Variants in ALOX5 observed in about 807,000 individuals in gnomAD.
ALOX5 encodes the protein polyunsaturated fatty acid 5-lipoxygenase.
ALOX5 carries 64 observed loss-of-function variants against 87.9 expected under a neutral mutation model. The observed-to-expected ratio is 0.73, with a 90% CI of 0.60 to 0.90. The LOEUF (loss-of-function observed/expected upper bound fraction) is 0.90, where lower values mean the gene tolerates loss of function less well. ALOX5 is among the 40% of genes least tolerant of loss of function. The probability of loss-of-function intolerance (pLI) is 0.00; values close to 1 mark genes in which losing one functional copy is unlikely to be tolerated. For synonymous variants in ALOX5, 388 were observed against 355.1 expected (o/e 1.09, Z -1.04); for missense variants, 822 against 907.5 (o/e 0.91, Z 1.21).
At chr10:45,389,309 C>T (rs1398914871) in intron 2 of ALOX5, among the ~76,000 whole-genome samples, 1 of 152,140 alleles carries the variant, frequency 6.6e-6, no homozygotes, top group Non-Finnish European at 1.5e-5. Context: ...CCTAGCAAGG[C>T]AGGCCAACAT....
At chr10:45,393,900 G>A (rs1191351862) in intron 2 of ALOX5, among the ~76,000 whole-genome samples, 1 of 152,186 alleles carries the variant, frequency 6.6e-6, no homozygotes, top group Non-Finnish European at 1.5e-5. Flanking sequence ...ACTTACAAGG[G>A]ATGTGAAGGA....
At chr10:45,428,004 C>T (rs1182978915) in intron 6 of ALOX5, among the ~76,000 whole-genome samples, 2 of 151,992 alleles carry the variant, frequency 1.3e-5, no homozygotes, top group Non-Finnish European at 2.9e-5. Context: ...ACCCTTCCCC[C>T]TCTGCTTCTG....
chr10:45,422,425 G>A (rs1841535159), intron 4 of ALOX5, among the ~76,000 whole-genome samples: 1 of 152,162 alleles, frequency 6.6e-6, no homozygotes. Context: ...ACTGGGTCCT[G>A]GCCACCTAGG....
chr10:45,391,903 TGAGGAGCCCCTCCGCCCGGCAGCC>T (rs1840286044), intron 2 of ALOX5, among the ~76,000 whole-genome samples: 1 of 110,744 alleles, frequency 9.0e-6, no homozygotes, highest in Non-Finnish European at 2.2e-5. Flanking sequence ...TTCTGAGAAG[TGAGGAGCCCCTCCGCCCGGCAGCC>T]GCCCCGTCTG....
At chr10:45,428,306 C>T (rs1171071850) in intron 6 of ALOX5, 6 of 441,750 alleles carry the variant, frequency 1.4e-5, no homozygotes, top group African/African-American at 1.2e-4. Context: ...TTTCACCTAA[C>T]CTCTTTCTTC....
At position 45,444,238 on chromosome 10, in the gene ALOX5, C is replaced by A; in HGVS notation, c.1797C>A (p.Cys599Ter). The change falls in exon 13 of 14, where the codon TGC becomes TGA. Residue 599 changes from cysteine to a stop codon, truncating the protein, a stop_gained. Transcript: ENST00000374391. LOFTEE classifies it high-confidence loss of function. ...VDTLPDRGRSCWHLGAVWALS... is the reference protein window; with the variant it reads ...VDTLPDRGRS The stretch of plus-strand genomic sequence containing the variant: ...CGCTGCCCGACCGCGGCCGCTCCTG[C>A]TGGCATCTGGGTGCAGTGTGGGCGC... The A allele has an allele frequency of 6.4e-7, 1 of 1,555,188 alleles. No individual in the cohort carries two copies. Among genetic ancestry groups the A allele is most frequent in the Non-Finnish European group, 8.7e-7 (1 of 1,149,284 alleles).
At chr10:45,428,587 T>C (rs1419648729) in intron 6 of ALOX5, 31 bp from the exon 7 acceptor site, 2 of 1,612,602 alleles carry the variant, frequency 1.2e-6, no homozygotes, top group Non-Finnish European at 1.7e-6. Flanking sequence ...CTGCTGAGCC[T>C]GATTTGGACA....
At chr10:45,407,672 TAAAC>T (rs1343997172) in intron 3 of ALOX5, among the ~76,000 whole-genome samples, 1 of 152,122 alleles carries the variant, frequency 6.6e-6, no homozygotes, top group African/African-American at 2.4e-5. Context: ...TAAGATGACA[TAAAC>T]AAATGAGGCA....
At chr10:45,419,023 T>G (rs1056126029) in intron 4 of ALOX5, among the ~76,000 whole-genome samples, 14 of 151,936 alleles carry the variant, frequency 9.2e-5, no homozygotes, top group African/African-American at 2.4e-4. Flanking sequence ...CCGGGAAGGG[T>G]GGCGGATGGA....
At chr10:45,403,514 G>C (rs1011486247) in intron 3 of ALOX5, among the ~76,000 whole-genome samples, 46 of 152,224 alleles carry the variant, frequency 3.0e-4, no homozygotes, top group African/African-American at 8.4e-4. Context: ...TACGGACAAT[G>C]TTCTGATTTT....
At chr10:45,412,093 C>T in intron 3 of ALOX5, 98 bp from the exon 4 acceptor site, 30 of 1,532,158 alleles carry the variant, frequency 2.0e-5, no homozygotes, top group Non-Finnish European at 2.7e-5. Context: ...CATCAATCTC[C>T]CTGTGTAACA....
intron 7 of ALOX5, among the ~76,000 whole-genome samples, chr10:45,440,163 G>A (rs1186933851): frequency 2.0e-5 from 3 of 152,172 alleles, no homozygotes; most frequent in Non-Finnish European, 2.9e-5. Context: ...ACTGTGAGCC[G>A]AGCGATCACT....
At chr10:45,406,580 C>T (rs1840894545) in intron 3 of ALOX5, among the ~76,000 whole-genome samples, 1 of 152,190 alleles carries the variant, frequency 6.6e-6, no homozygotes, top group Non-Finnish European at 1.5e-5. Context: ...TTTCTTCATG[C>T]AGGTCCTTCA....
chr10:45,416,950 G>T (rs1426992859), intron 4 of ALOX5, among the ~76,000 whole-genome samples: 1 of 152,022 alleles, frequency 6.6e-6, no homozygotes, highest in African/African-American at 2.4e-5. Context: ...ATGGATGGAT[G>T]GATGGATGGA....
Position 45,443,845 on chromosome 10 carries a change from C to A in ALOX5, c.1674+17C>A. ...TTCGGCCAGGTAGGCAGGGCCGGGC[C>A]CGCTGGGCAGGGCTCCCTTCTCAAG... On this transcript the variant is annotated intron_variant, in intron 12 of 13. Coordinates refer to ENST00000374391, the MANE Select transcript of ALOX5 (RefSeq NM_000698.5). The A allele has an allele frequency of 6.3e-7, 1 of 1,586,168 alleles. No individual in the cohort carries two copies.
chr10:45,427,963 C>G (rs1841782542), intron 6 of ALOX5, among the ~76,000 whole-genome samples: 1 of 152,296 alleles, frequency 6.6e-6, no homozygotes, highest in African/African-American at 2.4e-5. Context: ...GCCAACCCTG[C>G]AGACCACCCC....
At chr10:45,437,095 G>A (rs1055734191) in intron 7 of ALOX5, among the ~76,000 whole-genome samples, 1 of 152,206 alleles carries the variant, frequency 6.6e-6, no homozygotes, top group Non-Finnish European at 1.5e-5. Flanking sequence ...GCTCACGCCT[G>A]TAATCCCAGC....
intron 1 of ALOX5, 70 bp from the exon 2 acceptor site, chr10:45,382,408 TGACAA>T: frequency 6.5e-7 from 1 of 1,528,056 alleles, no homozygotes; most frequent in Admixed American, 1.7e-5. Context: ...TACCTTGGGG[TGACAA>T]ATTCTTAACA....
intron 1 of ALOX5, among the ~76,000 whole-genome samples, chr10:45,380,022 C>T (rs1839773018): frequency 1.3e-5 from 2 of 152,298 alleles, no homozygotes; most frequent in Middle Eastern, 3.4e-3. Flanking sequence ...GACGCGTATC[C>T]AGTCCTGGGC....
Sources: allele counts gnomAD v4.1 joint callset (sites outside exome capture counted in the v4.1 genomes callset), GRCh38; gene constraint gnomAD v4.1.1; transcripts MANE v1.5; gene names NCBI Gene and HGNC (gene_info 2026-07-23, HGNC 2026-07-21).